The following AFF3 variants were observed in gnomAD, a reference collection of about 807,000 sequenced individuals.
AFF3 encodes the protein AF4/FMR2 family member 3.
AFF3 carries 32 observed loss-of-function variants against 129.7 expected under a neutral mutation model. The observed-to-expected ratio is 0.25, with a 90% CI of 0.19 to 0.33. The LOEUF is 0.33. AFF3 is among the 10% of genes least tolerant of loss of function. The pLI is 1.00. For synonymous variants in AFF3, 644 were observed against 635.4 expected (o/e 1.01, Z -0.20); for missense variants, 1,373 against 1,592.0 (o/e 0.86, Z 2.34).
rs1433095878 is a variant in AFF3, at chr2:99,593,542, T to C, written c.2119A>G (p.Arg707Gly). 6.2e-6 allele frequency: 10 copies of C among 1,613,250 alleles called. No homozygotes were observed. Among genetic ancestry groups the C allele is most frequent in the Non-Finnish European group, 8.5e-6 (10 of 1,179,872 alleles). The stretch of plus-strand genomic sequence containing the variant: ...CCGTTGGCAGCGGCCTCCTTCAGCC[T>C]CTGATCATTCCCGGAGGAGGCAGAG... ...AASASSGNDQRLKEAAANGGS... is the reference protein window; with the variant it reads ...AASASSGNDQGLKEAAANGGS... Residue 707 changes from arginine to glycine, a missense_variant, in exon 15 of 25, where the codon AGG (arginine) becomes GGG (glycine). This residue lies in a region of AFF3 where 466 missense variants were observed against 505.0 expected (regional missense o/e 0.92). Transcript: ENST00000672756.
intron 12 of AFF3, among the ~76,000 whole-genome samples, chr2:99,652,502 A>G (rs532397393): frequency 6.6e-6 from 1 of 152,318 alleles, no homozygotes; most frequent in Non-Finnish European, 1.5e-5. Flanking sequence ...GAGAGCAGAA[A>G]GAAGGGCTGT....
At chr2:100,139,219 C>G (rs1298104508) in intron 1 of AFF3, among the ~76,000 whole-genome samples, 1 of 152,164 alleles carries the variant, frequency 6.6e-6, no homozygotes, top group Admixed American at 6.5e-5. Context: ...CCCTTTCTCT[C>G]TTCATTATCC....
intron 4 of AFF3, among the ~76,000 whole-genome samples, chr2:100,100,669 A>G (rs1690658821): frequency 6.6e-6 from 1 of 152,158 alleles, no homozygotes. Context: ...CCTACGCCTT[A>G]CTCATCCTTG....
intron 8 of AFF3, among the ~76,000 whole-genome samples, chr2:99,798,924 TA>T (rs1685740304): frequency 6.6e-6 from 1 of 152,028 alleles, no homozygotes; most frequent in African/African-American, 2.4e-5. Flanking sequence ...CTGACTAATG[TA>T]GCCTTGAACA....
intron 7 of AFF3, among the ~76,000 whole-genome samples, chr2:99,947,951 G>C (rs145752068): frequency 1.3e-5 from 2 of 152,286 alleles, no homozygotes; most frequent in East Asian, 3.9e-4. Flanking sequence ...ACTCAGCACA[G>C]AGCATCCTGC....
chr2:99,668,081 C>T (rs1244858928), intron 12 of AFF3, among the ~76,000 whole-genome samples: 2 of 152,014 alleles, frequency 1.3e-5, no homozygotes, highest in African/African-American at 4.8e-5. Context: ...TGGCGTGAAC[C>T]CAGGAGGCAG....
chr2:99,934,270 A>T (rs1056823998), intron 7 of AFF3, among the ~76,000 whole-genome samples: 1 of 152,282 alleles, frequency 6.6e-6, no homozygotes, highest in East Asian at 1.9e-4. Flanking sequence ...TGACATGTTT[A>T]GTTCAATGGT....
chr2:99,587,924 C>A (rs751060285), intron 15 of AFF3, among the ~76,000 whole-genome samples: 6 of 151,346 alleles, frequency 4.0e-5, no homozygotes, highest in Non-Finnish European at 8.8e-5. Flanking sequence ...GCAGGAGAAT[C>A]GCTTGAACCT....
At chr2:99,710,355 G>C (rs1677783197) in intron 11 of AFF3, among the ~76,000 whole-genome samples, 1 of 152,140 alleles carries the variant, frequency 6.6e-6, no homozygotes, top group Non-Finnish European at 1.5e-5. Flanking sequence ...CCCAGTTCAA[G>C]GGATTATCAT....
intron 7 of AFF3, among the ~76,000 whole-genome samples, chr2:99,977,785 T>C (rs868070033): frequency 1.3e-5 from 2 of 152,202 alleles, no homozygotes; most frequent in African/African-American, 4.8e-5. Flanking sequence ...TCACCTGTTG[T>C]GGCCTTACAG....
At chr2:99,665,427 T>C (rs2104375917) in intron 12 of AFF3, among the ~76,000 whole-genome samples, 1 of 152,294 alleles carries the variant, frequency 6.6e-6, no homozygotes, top group East Asian at 1.9e-4. Context: ...CAGGGAATCA[T>C]CAAGGATGAG....
chr2:99,590,560 G>C, intron 15 of AFF3, among the ~76,000 whole-genome samples: 1 of 152,226 alleles, frequency 6.6e-6, no homozygotes, highest in Non-Finnish European at 1.5e-5. Context: ...TTTGAAGTCA[G>C]GACACTTTGG....
intron 2 of AFF3, among the ~76,000 whole-genome samples, chr2:100,118,746 C>T (rs897188387): frequency 6.6e-6 from 1 of 151,940 alleles, no homozygotes; most frequent in Non-Finnish European, 1.5e-5. Flanking sequence ...TGCTGTAGAA[C>T]TCAGCCCTTT....
chr2:99,558,574 C>T (rs55778895), intron 22 of AFF3, among the ~76,000 whole-genome samples: 3,640 of 152,124 alleles, frequency 0.024, 149 homozygotes, highest in African/African-American at 0.083. Context: ...GAGCCGAGAT[C>T]GCACCATTGC....
In AFF3 at chr2:99,793,257, G is replaced by A. The variant is rs1053296340; in HGVS notation, c.922-40956C>T. Among the ~76,000 whole-genome samples, 6 of 152,088 alleles carry A rather than the reference G, an allele frequency of 3.9e-5. No homozygotes were observed. In the East Asian group the frequency reaches 7.7e-4, roughly 20 times the overall value. The stretch of plus-strand genomic sequence containing the variant: ...AATGTGACACGCCTGCTCCCCTTTC[G>A]CCTTCCATCCTGACTATAAGCTTCG... On this transcript the variant is annotated intron_variant, in intron 8 of 24. Coordinates refer to ENST00000672756, the MANE Select transcript of AFF3 (RefSeq NM_001386135.1).
At chr2:100,099,219 C>T (rs1690526003) in intron 4 of AFF3, among the ~76,000 whole-genome samples, 1 of 150,866 alleles carries the variant, frequency 6.6e-6, no homozygotes, top group Non-Finnish European at 1.5e-5. Context: ...AGGAATAGGC[C>T]TTAAAATGTT....
intron 8 of AFF3, among the ~76,000 whole-genome samples, chr2:99,821,891 G>A (rs1687715080): frequency 6.6e-6 from 1 of 152,160 alleles, no homozygotes; most frequent in Non-Finnish European, 1.5e-5. Flanking sequence ...GCAATCTGCA[G>A]CTTCTCACCA....
At chr2:99,991,919 AC>A (rs201726793) in intron 7 of AFF3, among the ~76,000 whole-genome samples, 2,990 of 149,704 alleles carry the variant, frequency 0.02, 55 homozygotes, top group Middle Eastern at 0.048. Context: ...AAAAACAAAA[AC>A]AAAAAAACCC....
chr2:99,805,500 C>T (rs1686266919), intron 8 of AFF3, among the ~76,000 whole-genome samples: 1 of 152,058 alleles, frequency 6.6e-6, no homozygotes, highest in South Asian at 2.1e-4. Context: ...ACAGTAATGG[C>T]TTTCAAAACT....
Sources: allele counts gnomAD v4.1 joint callset (sites outside exome capture counted in the v4.1 genomes callset), GRCh38; gene constraint gnomAD v4.1.1; regional missense constraint gnomAD v4.1.1; transcripts MANE v1.5; gene names NCBI Gene and HGNC (gene_info 2026-07-23, HGNC 2026-07-21).